KCNK1: variants seen among roughly 807,000 people sequenced by gnomAD.
The protein encoded by KCNK1 is potassium channel subfamily K member 1.
KCNK1 carries 10 observed loss-of-function variants against 22.2 expected under a neutral mutation model. That is an observed-to-expected ratio of 0.45 (90% CI 0.28 to 0.76). KCNK1 has a LOEUF of 0.76. Ranked by LOEUF, KCNK1 falls within the 30% of genes least tolerant of loss-of-function variation. KCNK1 has a pLI of 0.14. For synonymous variants in KCNK1, 200 were observed against 186.4 expected (o/e 1.07, Z -0.60); for missense variants, 378 against 421.0 (o/e 0.90, Z 0.89).
At chr1:233,632,488 T>G (rs1389784354) in intron 1 of KCNK1, among the ~76,000 whole-genome samples, 2 of 152,176 alleles carry the variant, frequency 1.3e-5, no homozygotes, top group East Asian at 1.9e-4. Flanking sequence ...CTTTCTTTCT[T>G]TTTTTCTTAA....
intron 1 of KCNK1, among the ~76,000 whole-genome samples, chr1:233,623,227 A>C (rs576911238): frequency 6.6e-6 from 1 of 152,316 alleles, no homozygotes; most frequent in Admixed American, 6.5e-5. Flanking sequence ...GCAAGAAAAA[A>C]AAAAGGTTGG....
chr1:233,655,270 A>G (rs943980085), intron 1 of KCNK1, among the ~76,000 whole-genome samples: 1 of 151,948 alleles, frequency 6.6e-6, no homozygotes, highest in African/African-American at 2.4e-5. Flanking sequence ...CTGTCCCACC[A>G]TTGTATTTTG....
At chr1:233,638,440 A>T (rs1056155787) in intron 1 of KCNK1, among the ~76,000 whole-genome samples, 2 of 151,700 alleles carry the variant, frequency 1.3e-5, no homozygotes, top group East Asian at 1.9e-4. Flanking sequence ...AAAAAGAATG[A>T]AATTGTCAAC....
intron 1 of KCNK1, among the ~76,000 whole-genome samples, chr1:233,655,010 C>G (rs1041688065): frequency 6.6e-6 from 1 of 152,102 alleles, no homozygotes; most frequent in African/African-American, 2.4e-5. Context: ...CAGCCCCAGA[C>G]CTGTAGAGTC....
At chr1:233,625,647 C>G (rs535166008) in intron 1 of KCNK1, among the ~76,000 whole-genome samples, 33 of 152,122 alleles carry the variant, frequency 2.2e-4, no homozygotes, top group Non-Finnish European at 4.6e-4. Context: ...TGCTCAGGAA[C>G]AACAATGCAG....
At chr1:233,621,461 C>A (rs1426132113) in intron 1 of KCNK1, among the ~76,000 whole-genome samples, 1 of 152,212 alleles carries the variant, frequency 6.6e-6, no homozygotes, top group African/African-American at 2.4e-5. Context: ...GAGACAGAAT[C>A]TTTTAAGTCT....
intron 1 of KCNK1, among the ~76,000 whole-genome samples, chr1:233,643,361 A>G (rs1243119703): frequency 1.3e-5 from 2 of 152,164 alleles, no homozygotes; most frequent in African/African-American, 4.8e-5. Context: ...CGGGGTGAGC[A>G]GCTGGTCCAC....
At chr1:233,639,526 G>A (rs554312906) in intron 1 of KCNK1, among the ~76,000 whole-genome samples, 63 of 152,202 alleles carry the variant, frequency 4.1e-4, no homozygotes, top group South Asian at 1.2e-3. Context: ...ACTTCTAAGC[G>A]TCCTTCTCAT....
intron 2 of KCNK1, among the ~76,000 whole-genome samples, chr1:233,668,204 A>G (rs1658532901): frequency 6.6e-6 from 1 of 152,110 alleles, no homozygotes; most frequent in South Asian, 2.1e-4. Flanking sequence ...GAATTTTTCA[A>G]TTTACGACTT....
At chr1:233,647,483 G>A (rs1410615432) in intron 1 of KCNK1, among the ~76,000 whole-genome samples, 2 of 152,184 alleles carry the variant, frequency 1.3e-5, no homozygotes, top group Non-Finnish European at 2.9e-5. Flanking sequence ...GAGGGCACAG[G>A]AGCCATGGCT....
At chr1:233,661,524 A>G (rs550412294) in intron 1 of KCNK1, among the ~76,000 whole-genome samples, 3 of 152,300 alleles carry the variant, frequency 2.0e-5, no homozygotes, top group Non-Finnish European at 2.9e-5. Flanking sequence ...GACCACTTGC[A>G]CCTGCCATGA....
intron 1 of KCNK1, among the ~76,000 whole-genome samples, chr1:233,645,910 A>G (rs965558969): frequency 1.1e-4 from 16 of 152,196 alleles, no homozygotes; most frequent in Non-Finnish European, 1.9e-4. Context: ...TGTTGGAGAC[A>G]AGGGAAAGAA....
At chr1:233,654,187 A>C (rs2102903394) in intron 1 of KCNK1, among the ~76,000 whole-genome samples, 1 of 152,056 alleles carries the variant, frequency 6.6e-6, no homozygotes, top group East Asian at 1.9e-4. Flanking sequence ...ACAATGGAGA[A>C]AAAGCCATCG....
chr1:233,667,610 G>A (rs1276036337), intron 2 of KCNK1, among the ~76,000 whole-genome samples: 3 of 150,612 alleles, frequency 2.0e-5, no homozygotes, highest in Non-Finnish European at 3.0e-5. Flanking sequence ...GGCGCCTGTA[G>A]TCCCAGCTAC....
intron 1 of KCNK1, among the ~76,000 whole-genome samples, chr1:233,621,823 T>C (rs541396799): frequency 8.5e-5 from 13 of 152,330 alleles, no homozygotes; most frequent in African/African-American, 3.1e-4. Flanking sequence ...GAAGAAATGA[T>C]GTCTTTCCTT....
intron 1 of KCNK1, among the ~76,000 whole-genome samples, chr1:233,637,118 C>G (rs1178428869): frequency 4.0e-5 from 6 of 150,736 alleles, no homozygotes; most frequent in Admixed American, 4.0e-4. Context: ...ATGGCGTGAA[C>G]CCAGGAGGCG....
At chr1:233,615,649 A>G (rs957308526) in intron 1 of KCNK1, among the ~76,000 whole-genome samples, 1 of 152,176 alleles carries the variant, frequency 6.6e-6, no homozygotes, top group Non-Finnish European at 1.5e-5. Context: ...TTTCTCTGCC[A>G]GGACCACTTT....
At chr1:233,631,086 C>T (rs1657782234) in intron 1 of KCNK1, among the ~76,000 whole-genome samples, 1 of 152,182 alleles carries the variant, frequency 6.6e-6, no homozygotes, top group South Asian at 2.1e-4. Flanking sequence ...AATAATGTCA[C>T]CCTTACTTCT....
chr1:233,667,359 A>T (rs1658509488), intron 2 of KCNK1, among the ~76,000 whole-genome samples: 1 of 152,218 alleles, frequency 6.6e-6, no homozygotes, highest in Admixed American at 6.5e-5. Flanking sequence ...CTTATTACTG[A>T]GATATTTTTC....
Sources: allele counts gnomAD v4.1 joint callset (sites outside exome capture counted in the v4.1 genomes callset), GRCh38; gene constraint gnomAD v4.1.1; transcripts MANE v1.5; gene names NCBI Gene and HGNC (gene_info 2026-07-23, HGNC 2026-07-21).